The following SORCS3 variants were observed in gnomAD, a reference collection of about 807,000 sequenced individuals.
The protein encoded by SORCS3 is sortilin related VPS10 domain containing receptor 3.
SORCS3 carries 57 observed loss-of-function variants against 146.3 expected under a neutral mutation model. The ratio of observed to expected loss-of-function variants is 0.39; its 90% confidence interval spans 0.31 to 0.49. The LOEUF is 0.49. SORCS3 is among the 20% of genes least tolerant of loss of function. The pLI, the probability that SORCS3 is intolerant of heterozygous loss-of-function variation, is 0.92. For missense variants in SORCS3, 1,341 were observed against 1,575.5 expected (o/e 0.85, Z 2.52); for synonymous variants, 653 against 618.5 (o/e 1.06, Z -0.83).
intron 6 of SORCS3, among the ~76,000 whole-genome samples, chr10:105,090,357 T>A (rs926553526): frequency 6.6e-6 from 1 of 152,154 alleles, no homozygotes; most frequent in African/African-American, 2.4e-5. Context: ...ATACTATCCC[T>A]ACAAACAAGG....
intron 7 of SORCS3, among the ~76,000 whole-genome samples, chr10:105,137,396 C>T (rs2056066200): frequency 6.6e-6 from 1 of 151,892 alleles, no homozygotes; most frequent in African/African-American, 2.4e-5. Flanking sequence ...TGTTTTAGAA[C>T]TAAATAGAGG....
intron 18 of SORCS3, among the ~76,000 whole-genome samples, chr10:105,216,661 C>T (rs2056666798): frequency 6.6e-6 from 1 of 152,154 alleles, no homozygotes; most frequent in African/African-American, 2.4e-5. Context: ...GGCTTCCCTT[C>T]AGAACTTTAC....
intron 6 of SORCS3, among the ~76,000 whole-genome samples, chr10:105,090,406 T>C (rs2055693851): frequency 6.6e-6 from 1 of 152,182 alleles, no homozygotes; most frequent in South Asian, 2.1e-4. Flanking sequence ...TTTAAACACA[T>C]GACCCGCTGT....
chr10:105,220,643 G>A (rs567021925), intron 19 of SORCS3, among the ~76,000 whole-genome samples: 1 of 152,198 alleles, frequency 6.6e-6, no homozygotes, highest in Non-Finnish European at 1.5e-5. Context: ...TTTCTATCAG[G>A]AGAAAAATGA....
chr10:105,238,998 G>C (rs752333123), intron 20 of SORCS3, among the ~76,000 whole-genome samples: 4 of 152,066 alleles, frequency 2.6e-5, no homozygotes, highest in Non-Finnish European at 5.9e-5. Flanking sequence ...CTAGTTTACT[G>C]TATTATTTGG....
chr10:104,778,081 T>C (rs904233934), intron 1 of SORCS3, among the ~76,000 whole-genome samples: 1 of 152,152 alleles, frequency 6.6e-6, no homozygotes, highest in African/African-American at 2.4e-5. Flanking sequence ...TTAACAGTAA[T>C]ATATGGTATA....
intron 5 of SORCS3, among the ~76,000 whole-genome samples, chr10:105,048,805 T>C (rs1361409441): frequency 1.3e-5 from 2 of 152,114 alleles, no homozygotes; most frequent in Non-Finnish European, 2.9e-5. Context: ...TGTATGCATA[T>C]GTTCTTTTAT....
chr10:105,226,554 G>T (rs1005433745), intron 20 of SORCS3, among the ~76,000 whole-genome samples: 3 of 151,902 alleles, frequency 2.0e-5, no homozygotes, highest in Admixed American at 6.6e-5. Flanking sequence ...TGAGTATCAG[G>T]GTAATGCTGG....
At chr10:104,650,196 G>A (rs1336522863) in intron 1 of SORCS3, among the ~76,000 whole-genome samples, 1 of 152,208 alleles carries the variant, frequency 6.6e-6, no homozygotes, top group Non-Finnish European at 1.5e-5. Flanking sequence ...TACCCATAGA[G>A]TTGTAGGCTT....
At chr10:104,733,934 A>G (rs915963195) in intron 1 of SORCS3, among the ~76,000 whole-genome samples, 8 of 152,160 alleles carry the variant, frequency 5.3e-5, no homozygotes, top group African/African-American at 1.9e-4. Flanking sequence ...TAGATGCATG[A>G]TGGTGCCTGG....
At chr10:104,786,843 A>G (rs1181976071) in intron 1 of SORCS3, among the ~76,000 whole-genome samples, 1 of 152,122 alleles carries the variant, frequency 6.6e-6, no homozygotes, top group Non-Finnish European at 1.5e-5. Flanking sequence ...AGCTTGGCTT[A>G]AGAAGTATTT....
At chr10:105,140,963 T>G (rs997268224) in intron 8 of SORCS3, among the ~76,000 whole-genome samples, 4 of 152,192 alleles carry the variant, frequency 2.6e-5, no homozygotes, top group Non-Finnish European at 2.9e-5. Flanking sequence ...TTCACAGTTA[T>G]GCTCTTTCTA....
At chr10:104,970,084 C>T (rs1231866323) in intron 3 of SORCS3, among the ~76,000 whole-genome samples, 1 of 152,090 alleles carries the variant, frequency 6.6e-6, no homozygotes, top group Non-Finnish European at 1.5e-5. Flanking sequence ...ACTTCATTGC[C>T]TGTTCTGTAG....
rs140083676 is a variant in SORCS3, at chr10:105,106,748, G to T, written c.1212+1233G>T. Among the ~76,000 whole-genome samples, 558 of 152,286 alleles carry T rather than the reference G, an allele frequency of 3.7e-3. 8 individuals are homozygous for T. Among genetic ancestry groups the T allele is most frequent in the African/African-American group, 0.012 (517 of 41,574 alleles). On this transcript the variant is annotated intron_variant, in intron 7 of 26. Transcript: ENST00000369701. ...TTCGATGAGGGAGTGAAACAGGAAG[G>T]TTCTGTGGCTTCAAAAATCCCTGTT...
chr10:105,155,326 A>G (rs185744389), intron 9 of SORCS3, among the ~76,000 whole-genome samples: 29 of 152,206 alleles, frequency 1.9e-4, no homozygotes, highest in African/African-American at 6.8e-4. Flanking sequence ...CTCCCCAGGA[A>G]AAACTGAACC....
intron 1 of SORCS3, among the ~76,000 whole-genome samples, chr10:104,782,608 A>T (rs1357522610): frequency 6.6e-6 from 1 of 152,214 alleles, no homozygotes; most frequent in Non-Finnish European, 1.5e-5. Flanking sequence ...AAGGGAACTC[A>T]TTCTGTTGTA....
chr10:104,865,916 G>A (rs1353928045), intron 2 of SORCS3, among the ~76,000 whole-genome samples: 1 of 152,332 alleles, frequency 6.6e-6, no homozygotes, highest in South Asian at 2.1e-4. Context: ...TGTCCTTGGT[G>A]ATGAGTCTTC....
chr10:104,722,838 T>A (rs2016567626), intron 1 of SORCS3, among the ~76,000 whole-genome samples: 2 of 152,214 alleles, frequency 1.3e-5, no homozygotes, highest in Non-Finnish European at 2.9e-5. Context: ...CCTTTATCAT[T>A]TTTTATTGCG....
chr10:104,796,328 G>T (rs2133504488), intron 1 of SORCS3, among the ~76,000 whole-genome samples: 1 of 152,268 alleles, frequency 6.6e-6, no homozygotes, highest in Admixed American at 6.5e-5. Flanking sequence ...CTCATTTGAT[G>T]AGCAAATTCA....
Sources: gnomAD v4.1 joint callset for allele counts (sites outside exome capture counted in the v4.1 genomes callset) on GRCh38, gnomAD v4.1.1 for gene constraint, MANE v1.5 for transcripts, NCBI Gene and HGNC (gene_info 2026-07-23, HGNC 2026-07-21) for gene names.